The following ARHGAP26 variants were observed in gnomAD, a reference collection of about 807,000 sequenced individuals.
ARHGAP26 encodes the protein Rho GTPase activating protein 26.
A neutral mutation model predicts 104.8 loss-of-function variants in ARHGAP26; 38 were observed. The observed-to-expected ratio is 0.36, with a 90% CI of 0.28 to 0.48. The LOEUF (loss-of-function observed/expected upper bound fraction) is 0.48. Among genes scored for constraint, ARHGAP26 ranks in the 20% least tolerant of loss-of-function variants. ARHGAP26 has a pLI of 0.99. For missense variants in ARHGAP26, 704 were observed against 947.9 expected, an observed-to-expected ratio of 0.74 and a Z score of 3.38; for synonymous variants, 341 against 340.0, an observed-to-expected ratio of 1.00 and a Z score of -0.03.
intron 17 of ARHGAP26, among the ~76,000 whole-genome samples, chr5:143,082,210 T>C (rs1789938762): frequency 6.6e-6 from 1 of 152,138 alleles, no homozygotes; most frequent in Non-Finnish European, 1.5e-5. Context: ...TGCTTCAGCC[T>C]TGACACTTGT....
At chr5:143,090,211 T>A (rs1325328661) in intron 17 of ARHGAP26, among the ~76,000 whole-genome samples, 1 of 152,250 alleles carries the variant, frequency 6.6e-6, no homozygotes, top group Non-Finnish European at 1.5e-5. Context: ...GACTTGTTAC[T>A]CCAGGCTGTA....
chr5:143,139,572 A>G (rs1186560642), intron 19 of ARHGAP26, among the ~76,000 whole-genome samples: 1 of 152,176 alleles, frequency 6.6e-6, no homozygotes, highest in Non-Finnish European at 1.5e-5. Flanking sequence ...GGGTACCTCA[A>G]TGTGCGTCCT....
chr5:143,032,908 A>G (rs1782095226), intron 12 of ARHGAP26, among the ~76,000 whole-genome samples: 1 of 152,208 alleles, frequency 6.6e-6, no homozygotes, highest in Admixed American at 6.5e-5. Flanking sequence ...GGGCAATGTG[A>G]TAATTTACAC....
At chr5:143,217,076 T>C (rs1002499917) in intron 22 of ARHGAP26, among the ~76,000 whole-genome samples, 2 of 152,126 alleles carry the variant, frequency 1.3e-5, no homozygotes, top group African/African-American at 4.8e-5. Context: ...TTGTATGCTG[T>C]GTAGTTGTCA....
intron 11 of ARHGAP26, chr5:142,969,477 A>G (rs1051957524): frequency 3.3e-5 from 5 of 152,156 alleles, no homozygotes; most frequent in Non-Finnish European, 5.9e-5. Context: ...TTCCTCCTAC[A>G]TTAGAGGCCA....
intron 10 of ARHGAP26, among the ~76,000 whole-genome samples, chr5:142,927,160 G>A (rs976331358): frequency 1.3e-5 from 2 of 151,982 alleles, no homozygotes; most frequent in Admixed American, 6.6e-5. Context: ...TATTTAAAAC[G>A]ATTTTTACTG....
chr5:142,880,939 T>G (rs1756908980), intron 4 of ARHGAP26, among the ~76,000 whole-genome samples: 1 of 152,228 alleles, frequency 6.6e-6, no homozygotes, highest in South Asian at 2.1e-4. Context: ...TCTACTAATT[T>G]TAGTTTACAC....
At chr5:142,992,717 C>T (rs747567502) in intron 11 of ARHGAP26, among the ~76,000 whole-genome samples, 9 of 152,114 alleles carry the variant, frequency 5.9e-5, no homozygotes, top group Non-Finnish European at 1.2e-4. Context: ...TGAGTCACCA[C>T]GCCTGGCCAG....
intron 17 of ARHGAP26, among the ~76,000 whole-genome samples, chr5:143,097,778 C>T (rs575171352): frequency 1.9e-4 from 29 of 149,662 alleles, no homozygotes; most frequent in African/African-American, 6.4e-4. Flanking sequence ...GCCAAGATTG[C>T]GCCACTGCAT....
rs1025115416 is a variant in ARHGAP26 at position 142,901,798 on chromosome 5, A to G, written c.598-137A>G. Reference sequence around the variant, plus strand: ...GGAAGGGCATAGTGCCTGGCACACAATTGGTGCTCTTTAAATGTCAGCCAT... The same window carrying G: ...GGAAGGGCATAGTGCCTGGCACACAGTTGGTGCTCTTTAAATGTCAGCCAT... On this transcript the variant is annotated intron_variant, in intron 6 of 22. Coordinates refer to ENST00000645722, the MANE Select transcript of ARHGAP26 (RefSeq NM_001135608.3). 2.9e-4 allele frequency: 195 copies of G among 678,180 alleles called. 1 individual carries two copies. Among genetic ancestry groups the G allele is most frequent in the Admixed American group, 1.6e-4 (6 of 37,606 alleles). 42.0% of individuals were successfully genotyped at this position (678,180 alleles called of 1,614,324 possible). A position where few individuals can be genotyped will look rare whatever the true frequency, so the allele number is the denominator to read the frequency against.
At chr5:142,916,222 A>T (rs531877739) in intron 10 of ARHGAP26, among the ~76,000 whole-genome samples, 1 of 152,334 alleles carries the variant, frequency 6.6e-6, no homozygotes, top group East Asian at 1.9e-4. Context: ...GAAGTATGTG[A>T]CTTAGAATAT....
intron 10 of ARHGAP26, among the ~76,000 whole-genome samples, chr5:142,930,177 A>C (rs1435431991): frequency 6.6e-6 from 1 of 152,178 alleles, no homozygotes; most frequent in East Asian, 1.9e-4. Context: ...GTTCTGCAAT[A>C]GACAGTAGCT....
At chr5:142,771,014 T>C (rs1755078281) in intron 1 of ARHGAP26, 99 bp downstream of exon 1, 5 of 1,471,992 alleles carry the variant, frequency 3.4e-6, no homozygotes, top group Non-Finnish European at 4.5e-6. Flanking sequence ...GGGTTTCTGC[T>C]CCCGGTACAC....
At position 143,222,696 on chromosome 5, in the gene ARHGAP26, T is replaced by G. The variant is rs1457384729; in HGVS notation, c.*250T>G. On this transcript the variant is annotated 3_prime_UTR_variant, in exon 23 of 23. Coordinates refer to ENST00000645722, the MANE Select transcript of ARHGAP26 (RefSeq NM_001135608.3). ...AGCATTTGATAACTAAGAGGAAGAC[T>G]TGCAAAGCCGTTTTCTCATGAGTAC... The G allele has an allele frequency of 2.9e-6, 1 of 347,656 alleles. No homozygotes were observed. The highest frequency in any genetic ancestry group is 5.2e-6 in the Non-Finnish European group (1 of 191,082). The allele number at this position is 347,656 out of a possible 1,614,324, so 21.5% of individuals were successfully genotyped here.
chr5:142,961,375 C>G (rs1226282022), intron 11 of ARHGAP26, among the ~76,000 whole-genome samples: 1 of 151,666 alleles, frequency 6.6e-6, no homozygotes, highest in African/African-American at 2.4e-5. Flanking sequence ...ACCTGCAGTT[C>G]CAGCTACGTG....
At position 143,196,395 on chromosome 5, in the gene ARHGAP26, G is replaced by A. The variant is rs146798883; in HGVS notation, c.1989-10803G>A. Among the ~76,000 whole-genome samples, 615 of 152,278 alleles carry A rather than the reference G, an allele frequency of 4.0e-3. 5 individuals carry two copies. The highest frequency in any genetic ancestry group is 0.014 in the African/African-American group (594 of 41,562). ...AAGTCACTGCAAACACGGAATTACT[G>A]AATACTAAGCCATTGCATGGAGGGG... On this transcript the variant is annotated intron_variant, in intron 20 of 22. Coordinates refer to ENST00000645722, the MANE Select transcript of ARHGAP26 (RefSeq NM_001135608.3).
chr5:142,993,142 G>A (rs938183633), intron 11 of ARHGAP26, among the ~76,000 whole-genome samples: 17 of 149,362 alleles, frequency 1.1e-4, no homozygotes, highest in Non-Finnish European at 1.9e-4. Context: ...CACCATGCCC[G>A]GGTAATTTTT....
At chr5:142,918,723 A>G (rs917222262) in intron 10 of ARHGAP26, among the ~76,000 whole-genome samples, 1 of 152,162 alleles carries the variant, frequency 6.6e-6, no homozygotes, top group African/African-American at 2.4e-5. Context: ...CAAATGTTTC[A>G]CAGACTAATG....
At chr5:143,001,357 CT>C (rs1777167884) in intron 11 of ARHGAP26, among the ~76,000 whole-genome samples, 1 of 152,140 alleles carries the variant, frequency 6.6e-6, no homozygotes, top group Admixed American at 6.5e-5. Context: ...AAATATTGAA[CT>C]TTAGATGATA....
Sources: gnomAD v4.1 joint callset for allele counts (sites outside exome capture counted in the v4.1 genomes callset) on GRCh38, gnomAD v4.1.1 for gene constraint, MANE v1.5 for transcripts, NCBI Gene and HGNC (gene_info 2026-07-23, HGNC 2026-07-21) for gene names.